The following SLC35F1 variants were observed in gnomAD, a reference collection of about 807,000 sequenced individuals.
The protein encoded by SLC35F1 is solute carrier family 35 member F1.
Under a neutral mutation model 48.7 loss-of-function variants are expected in SLC35F1, and 14 were observed. The ratio of observed to expected loss-of-function variants is 0.29; its 90% CI spans 0.19 to 0.45. SLC35F1 has a LOEUF of 0.45. Among genes scored for constraint, SLC35F1 ranks in the 20% least tolerant of loss-of-function variants. The pLI, the probability that SLC35F1 is intolerant of heterozygous loss-of-function variation, is 1.00. For missense variants in SLC35F1, 404 were observed against 500.0 expected (o/e 0.81, Z 1.83); for synonymous variants, 190 against 202.2 (o/e 0.94, Z 0.51).
At chr6:117,953,326 C>G (rs558708597) in intron 1 of SLC35F1, among the ~76,000 whole-genome samples, 1 of 152,288 alleles carries the variant, frequency 6.6e-6, no homozygotes, top group East Asian at 1.9e-4. Flanking sequence ...ACAGTTGTCA[C>G]ATGACAACCT....
chr6:117,999,594 A>C, intron 1 of SLC35F1: 1 of 605,128 alleles, frequency 1.7e-6, no homozygotes, highest in Non-Finnish European at 2.8e-6. Flanking sequence ...AAATACCTAA[A>C]ATCAGAGCAG....
chr6:118,075,752 G>A (rs1387979108), intron 1 of SLC35F1, among the ~76,000 whole-genome samples: 5 of 152,134 alleles, frequency 3.3e-5, no homozygotes, highest in Admixed American at 6.5e-5. Context: ...AAATAAACAT[G>A]CTTATGACAT....
At chr6:117,997,807 C>T (rs901534365) in intron 1 of SLC35F1, among the ~76,000 whole-genome samples, 1 of 152,184 alleles carries the variant, frequency 6.6e-6, no homozygotes, top group African/African-American at 2.4e-5. Context: ...CCGGTACCAG[C>T]CACTGCAAAA....
At chr6:118,184,663 G>A (rs1774632120) in intron 2 of SLC35F1, among the ~76,000 whole-genome samples, 1 of 152,178 alleles carries the variant, frequency 6.6e-6, no homozygotes, top group Admixed American at 6.5e-5. Flanking sequence ...ACAAAAATAA[G>A]TCTTCTGGAA....
intron 1 of SLC35F1, among the ~76,000 whole-genome samples, chr6:118,039,314 G>A (rs1332459173): frequency 1.3e-5 from 2 of 151,928 alleles, no homozygotes; most frequent in African/African-American, 4.8e-5. Context: ...AGCAGCTTAT[G>A]ATGTATTTAA....
intron 7 of SLC35F1, among the ~76,000 whole-genome samples, chr6:118,299,307 T>C (rs1172287060): frequency 6.6e-6 from 1 of 152,158 alleles, no homozygotes; most frequent in Non-Finnish European, 1.5e-5. Flanking sequence ...ATGTAAACGT[T>C]TCCAAGGGCA....
At chr6:117,952,639 C>A (rs1776376601) in intron 1 of SLC35F1, among the ~76,000 whole-genome samples, 1 of 152,126 alleles carries the variant, frequency 6.6e-6, no homozygotes, top group African/African-American at 2.4e-5. Context: ...TGGTGTACAT[C>A]AAACTCGAGA....
chr6:118,000,891 G>T (rs1035672186), intron 1 of SLC35F1, among the ~76,000 whole-genome samples: 1 of 152,058 alleles, frequency 6.6e-6, no homozygotes, highest in African/African-American at 2.4e-5. Context: ...CCAACTTACA[G>T]GGGACATGAA....
At chr6:118,127,016 T>C (rs1272161290) in intron 1 of SLC35F1, among the ~76,000 whole-genome samples, 1 of 151,672 alleles carries the variant, frequency 6.6e-6, no homozygotes, top group African/African-American at 2.4e-5. Context: ...TCCAACACTA[T>C]GTTGAATAGG....
At chr6:118,194,737 G>T (rs1489685698) in intron 2 of SLC35F1, among the ~76,000 whole-genome samples, 2 of 152,144 alleles carry the variant, frequency 1.3e-5, no homozygotes, top group Non-Finnish European at 2.9e-5. Flanking sequence ...TAACCGGTTT[G>T]CACAGAGAGA....
chr6:118,303,630 A>C (rs1776279456), intron 7 of SLC35F1, among the ~76,000 whole-genome samples: 1 of 152,228 alleles, frequency 6.6e-6, no homozygotes, highest in Non-Finnish European at 1.5e-5. Flanking sequence ...TGGTGTTTTA[A>C]AAATGAAATG....
chr6:118,218,119 A>T (rs898302513), intron 2 of SLC35F1, among the ~76,000 whole-genome samples: 1 of 152,168 alleles, frequency 6.6e-6, no homozygotes, highest in Non-Finnish European at 1.5e-5. Context: ...TCTGTTATCA[A>T]GGAAGAAATG....
intron 2 of SLC35F1, among the ~76,000 whole-genome samples, chr6:118,187,856 G>A (rs1196738594): frequency 1.3e-5 from 2 of 152,180 alleles, no homozygotes; most frequent in African/African-American, 4.8e-5. Context: ...TGGTGTCTCT[G>A]GCTTTTGCCA....
chr6:118,151,251 C>T (rs1774052319), intron 1 of SLC35F1, among the ~76,000 whole-genome samples: 1 of 152,136 alleles, frequency 6.6e-6, no homozygotes, highest in South Asian at 2.1e-4. Context: ...TACTTTCTCT[C>T]CTACTCTCCC....
At chr6:118,158,854 A>G (rs1236152245) in intron 2 of SLC35F1, among the ~76,000 whole-genome samples, 1 of 152,210 alleles carries the variant, frequency 6.6e-6, no homozygotes, top group African/African-American at 2.4e-5. Flanking sequence ...CAGTTGAGCA[A>G]ATTTTAAGTC....
At chr6:117,921,014 C>T (rs1203843086) in intron 1 of SLC35F1, among the ~76,000 whole-genome samples, 1 of 150,762 alleles carries the variant, frequency 6.6e-6, no homozygotes. Flanking sequence ...TTTGTCTATC[C>T]GCCTGAGTCT....
At chr6:118,281,991 A>G (rs1775990205) in intron 6 of SLC35F1, among the ~76,000 whole-genome samples, 1 of 152,246 alleles carries the variant, frequency 6.6e-6, no homozygotes, top group African/African-American at 2.4e-5. Context: ...TGTAGCTTAA[A>G]TCACTTTAGT....
chr6:117,919,473 T>A (rs1041376140), intron 1 of SLC35F1, among the ~76,000 whole-genome samples: 3 of 152,110 alleles, frequency 2.0e-5, no homozygotes, highest in African/African-American at 7.2e-5. Flanking sequence ...AAGGAGAGCC[T>A]GGGTTTTCGT....
chr6:118,294,029 TG>T (rs1225878516), intron 7 of SLC35F1, among the ~76,000 whole-genome samples: 1 of 152,240 alleles, frequency 6.6e-6, no homozygotes, highest in Non-Finnish European at 1.5e-5. Flanking sequence ...ATTTGCCTTA[TG>T]GAGCTTCACA....
Sources: allele counts gnomAD v4.1 joint callset (sites outside exome capture counted in the v4.1 genomes callset), GRCh38; gene constraint gnomAD v4.1.1; transcripts MANE v1.5; gene names NCBI Gene and HGNC (gene_info 2026-07-23, HGNC 2026-07-21).